MYO1H: variants seen among roughly 807,000 people sequenced by gnomAD.
MYO1H encodes myosin IH.
MYO1H carries 118 observed loss-of-function variants against 149.3 expected under a neutral mutation model. That is an observed-to-expected ratio of 0.79 (90% CI 0.68 to 0.92). MYO1H has a LOEUF of 0.92. Ranked by LOEUF, MYO1H falls within the 40% of genes least tolerant of loss-of-function variation. The pLI, the probability that MYO1H is intolerant of heterozygous loss-of-function variation, is 0.00. For synonymous variants in MYO1H, 447 were observed against 465.2 expected (o/e 0.96, Z 0.50); for missense variants, 1,212 against 1,280.7 (o/e 0.95, Z 0.82).
At chr12:109,395,805 C>T (rs1051137865) in intron 3 of MYO1H, among the ~76,000 whole-genome samples, 31 of 151,306 alleles carry the variant, frequency 2.0e-4, no homozygotes, top group African/African-American at 7.3e-4. Flanking sequence ...ATCTAGTACA[C>T]TCTATATTTG....
chr12:109,380,241 A>T (rs1869175649), intron 1 of MYO1H, among the ~76,000 whole-genome samples: 1 of 152,144 alleles, frequency 6.6e-6, no homozygotes, highest in African/African-American at 2.4e-5. Context: ...GAGGATGAGA[A>T]TGCAGAAGAA....
chr12:109,362,814 C>G (rs981257171), intron 1 of MYO1H, among the ~76,000 whole-genome samples: 4 of 152,200 alleles, frequency 2.6e-5, no homozygotes, highest in Non-Finnish European at 5.9e-5. Context: ...TTTCTATGGC[C>G]TGCTTTGGCT....
intron 1 of MYO1H, among the ~76,000 whole-genome samples, chr12:109,348,674 T>C (rs576998422): frequency 7.9e-5 from 12 of 152,332 alleles, no homozygotes; most frequent in African/African-American, 2.6e-4. Flanking sequence ...TCAAACCTAT[T>C]GCCTCTTTCC....
intron 1 of MYO1H, among the ~76,000 whole-genome samples, chr12:109,361,566 G>A (rs191652649): frequency 1.6e-4 from 25 of 152,298 alleles, no homozygotes; most frequent in African/African-American, 6.0e-4. Context: ...AGCACTTTGG[G>A]AGGCCGAGGC....
intron 7 of MYO1H, 80 bp downstream of exon 7, chr12:109,404,160 C>A (rs934707147): frequency 3.8e-6 from 4 of 1,046,698 alleles, no homozygotes; most frequent in African/African-American, 3.2e-5. Context: ...TTGCAGAATA[C>A]AGTGGCCAAA....
At chr12:109,337,701 A>G in the MYO1H span, among the ~76,000 whole-genome samples, 1 of 152,154 alleles carries the variant, frequency 6.6e-6, no homozygotes, top group African/African-American at 2.4e-5. Flanking sequence ...GGGAGCTACA[A>G]TTCAAGATGA....
At chr12:109,311,888 C>CT in the MYO1H span, among the ~76,000 whole-genome samples, 2 of 152,328 alleles carry the variant, frequency 1.3e-5, no homozygotes, top group Admixed American at 1.3e-4. Flanking sequence ...AGGTATGTGG[C>CT]TTTGGCTTTC....
At chr12:109,432,735 AC>A (rs1411330956) in intron 19 of MYO1H, among the ~76,000 whole-genome samples, 161 bp from the exon 20 acceptor site, 3 of 152,214 alleles carry the variant, frequency 2.0e-5, no homozygotes, top group Non-Finnish European at 4.4e-5. Flanking sequence ...CTTGCAAAGT[AC>A]CCATCTTTGA....
At chr12:109,396,814 G>GTTTTTTTTTTTTTTTTTTTTT (rs60551691) in intron 4 of MYO1H, among the ~76,000 whole-genome samples, 5 of 51,088 alleles carry the variant, frequency 9.8e-5, no homozygotes, top group African/African-American at 1.3e-4. Context: ...TTTTGGTTTC[G>GTTTTTTTTTTTTTTTTTTTTT]TTTTTTTTTT....
chr12:109,426,525 C>CA (rs974978897), intron 18 of MYO1H, among the ~76,000 whole-genome samples: 3 of 151,824 alleles, frequency 2.0e-5, no homozygotes, highest in African/African-American at 7.3e-5. Context: ...GACCCTATCT[C>CA]AAAAAATAAT....
intron 10 of MYO1H, among the ~76,000 whole-genome samples, chr12:109,409,309 G>C (rs556421326): frequency 1.3e-5 from 1 of 77,462 alleles, no homozygotes; most frequent in South Asian, 3.9e-4. Flanking sequence ...GAGGACACCT[G>C]AACAAAGAAG....
At chr12:109,345,089 AAAAAT>A (rs1204155015), upstream of MYO1H, among the ~76,000 whole-genome samples, 1 of 152,152 alleles carries the variant, frequency 6.6e-6, no homozygotes, top group East Asian at 1.9e-4. Context: ...CCAAAGGTAA[AAAAAT>A]AGATAAATTA....
chr12:109,371,448 G>A (rs1439372811), intron 1 of MYO1H, among the ~76,000 whole-genome samples: 1 of 151,974 alleles, frequency 6.6e-6, no homozygotes, highest in African/African-American at 2.4e-5. Flanking sequence ...AAACTCCTGA[G>A]CTAAAGCAAT....
chr12:109,425,752 C>T (rs1268480166), intron 17 of MYO1H, among the ~76,000 whole-genome samples, 194 bp from the exon 18 acceptor site: 2 of 152,184 alleles, frequency 1.3e-5, no homozygotes, highest in African/African-American at 4.8e-5. Context: ...CGTGACCAGA[C>T]CAAGACTGGC....
In MYO1H at chr12:109,397,830, T is replaced by C. The variant is rs1869979584; in HGVS notation, c.570+18T>C. On this transcript the variant is annotated intron_variant, in intron 5 of 31. Transcript: ENST00000310903. ...ATTTTCAGGTACACTGAAGCTCCTA[T>C]TACTGGTTCATGGGGACCCCTTATT... The C allele has an allele frequency of 1.3e-6, 2 of 1,587,136 alleles. No individual in the cohort carries two copies. The highest frequency in any genetic ancestry group is 2.3e-5 in the South Asian group (2 of 87,322).
chr12:109,397,758 GA>G lies in MYO1H; in HGVS notation c.518del (p.Asn173MetfsTer22). The G allele has an allele frequency of 6.2e-7, 1 of 1,612,326 alleles. No homozygotes were observed. The highest frequency in any genetic ancestry group is 8.5e-7 in the Non-Finnish European group (1 of 1,179,102). On this transcript the variant is annotated frameshift_variant, in exon 5 of 32. Transcript: ENST00000310903. LOFTEE classifies it high-confidence loss of function. ...CTTTTGGAAATGCCAGAACGCTCCG[GA>G]ATGACAACTCCAGCAGATTTGGGAA...
intron 10 of MYO1H, 138 bp from the exon 11 acceptor site, chr12:109,409,419 C>T: frequency 1.3e-6 from 1 of 780,622 alleles, no homozygotes; most frequent in Non-Finnish European, 2.2e-6. Flanking sequence ...ATTACTTCCA[C>T]CCAAAGATTT....
the MYO1H span, among the ~76,000 whole-genome samples, chr12:109,339,821 G>T: frequency 2.6e-5 from 4 of 152,162 alleles, no homozygotes; most frequent in African/African-American, 9.7e-5. Flanking sequence ...AATACAAAGT[G>T]ATAGCCAGAG....
intron 27 of MYO1H, among the ~76,000 whole-genome samples, chr12:109,442,641 G>A (rs1386324577): frequency 6.6e-6 from 1 of 152,108 alleles, no homozygotes; most frequent in Non-Finnish European, 1.5e-5. Flanking sequence ...TCCTGGGCAG[G>A]TCACTTAAGC....
Sources: gnomAD v4.1 joint callset for allele counts (sites outside exome capture counted in the v4.1 genomes callset) on GRCh38, gnomAD v4.1.1 for gene constraint, MANE v1.5 for transcripts, NCBI Gene and HGNC (gene_info 2026-07-23, HGNC 2026-07-21) for gene names.